The following TPGS1 variants were observed in gnomAD, a reference collection of about 807,000 sequenced individuals.
TPGS1 encodes tubulin polyglutamylase complex subunit 1.
A neutral mutation model predicts 11.9 loss-of-function variants in TPGS1; 18 were observed. The observed-to-expected ratio is 1.51, with a 90% CI of 1.04 to 2.24. TPGS1 has a LOEUF of 2.24. Among genes scored for constraint, TPGS1 ranks in the 30% most tolerant of loss-of-function variants. TPGS1 has a pLI of 0.00. For synonymous variants in TPGS1, 247 were observed against 218.2 expected, an observed-to-expected ratio of 1.13 and a Z score of -1.16; for missense variants, 500 against 443.0, an observed-to-expected ratio of 1.13 and a Z score of -1.16.
chr19:509,585 C>G (rs1413982599), intron 1 of TPGS1: 2 of 152,382 alleles, frequency 1.3e-5, no homozygotes, highest in Admixed American at 1.3e-4. Context: ...TGGCGGCCAG[C>G]AGTCTTTGGC....
At chr19:512,901 C>T (rs1978842046) in intron 1 of TPGS1, among the ~76,000 whole-genome samples, 1 of 152,230 alleles carries the variant, frequency 6.6e-6, no homozygotes, top group South Asian at 2.1e-4. Flanking sequence ...GGGTCGCTCG[C>T]GCAGCTCCCA....
At position 518,969 on chromosome 19, in the gene TPGS1, G is replaced by C; in HGVS notation, c.419G>C (p.Gly140Ala). ...CGCAGGAAGAGGCCGGGGCTGGACG[G>C]GCGCACCTACAGCGAGCTGCTCAGG... is the stretch of plus-strand genomic sequence containing the variant. Reference protein sequence around the residue: ...GGRRKRPGLDGRTYSELLRRI... With the variant: ...GGRRKRPGLDARTYSELLRRI... Residue 140 changes from glycine to alanine, a missense_variant, in exon 2 of 2, where the codon GGG (glycine) becomes GCG (alanine). Coordinates refer to ENST00000359315, the MANE Select transcript of TPGS1 (RefSeq NM_033513.3). The C allele has an allele frequency of 1.3e-6, 2 of 1,587,322 alleles. No individual in the cohort carries two copies. The highest frequency in any genetic ancestry group is 1.7e-4 in the Middle Eastern group (1 of 6,022).
chr19:516,797 A>T (rs575733438), intron 1 of TPGS1, among the ~76,000 whole-genome samples: 1 of 152,308 alleles, frequency 6.6e-6, no homozygotes, highest in South Asian at 2.1e-4. Flanking sequence ...TAATAAACTG[A>T]GGAATGTGGA....
At position 514,825 on chromosome 19, in the gene TPGS1, AG is replaced by A. The variant is rs1264809726; in HGVS notation, c.339-4059del. ...GGGAACTGATGGGGGGAGTGAGGCC[AG>A]GGGGTTAAGCAGCCCACCCAGGGTC... On this transcript the variant is annotated intron_variant, in intron 1 of 1. Coordinates refer to ENST00000359315, the MANE Select transcript of TPGS1 (RefSeq NM_033513.3). 4.0e-5 allele frequency among the ~76,000 whole-genome samples: 6 copies of A among 151,786 alleles called. No individual in the cohort carries two copies. The East Asian group carries it at 1.2e-3, about 29-fold the overall frequency.
rs752029125 is a variant in TPGS1 at position 518,896 on chromosome 19, T to A, written c.346T>A (p.Phe116Ile). ...RLAHHSQRAAFNNNVSVAYEC... is the reference protein window; with the variant it reads ...RLAHHSQRAAINNNVSVAYEC... The stretch of plus-strand genomic sequence containing the variant: ...ACGTCCCCGTCTCCGCAGGGCCGCC[T>A]TCAACAACAACGTGAGCGTGGCCTA... The change falls in exon 2 of 2, where the codon TTC becomes ATC. Residue 116 changes from phenylalanine (F) to isoleucine (I), a missense_variant. Coordinates refer to ENST00000359315, the MANE Select transcript of TPGS1 (RefSeq NM_033513.3). The A allele has an allele frequency of 2.9e-5, 45 of 1,531,134 alleles. No individual in the cohort carries two copies. The highest frequency in any genetic ancestry group is 1.6e-4 in the Admixed American group (8 of 51,340). 94.8% of individuals were successfully genotyped at this position (1,531,134 alleles called of 1,614,324 possible). A position where few individuals can be genotyped will look rare whatever the true frequency, so the allele number is the denominator to read the frequency against.
Position 519,264 on chromosome 19 carries a change from G to T in TPGS1, c.714G>T (p.Ala238=). The T allele has an allele frequency of 8.3e-7, 1 of 1,201,338 alleles. No individual in the cohort carries two copies. Among genetic ancestry groups the T allele is most frequent in the Non-Finnish European group, 1.0e-6 (1 of 969,986 alleles). 74.4% of individuals were successfully genotyped at this position (1,201,338 alleles called of 1,614,324 possible). Residue 238 remains alanine, a synonymous_variant, in exon 2 of 2, where the codon GCG becomes GCT. Coordinates refer to ENST00000359315, the MANE Select transcript of TPGS1 (RefSeq NM_033513.3). ...ALQASDAAAP[A]RFLEAGSRLG... The stretch of plus-strand genomic sequence containing the variant: ...AGGCCAGCGACGCCGCCGCGCCCGC[G>T]CGCTTCCTGGAGGCCGGCTCGCGCT...
In TPGS1 at chr19:519,475, G is replaced by A; in HGVS notation, c.*52G>A. On this transcript the variant is annotated 3_prime_UTR_variant, in exon 2 of 2. Transcript: ENST00000359315. ...TCTGCGCTGGGGGGTCCCCGCGTGC[G>A]GGGCGCGCGGAGCCTTCCCTTCGCC... 2 of 1,173,994 alleles carry A rather than the reference G, an allele frequency of 1.7e-6. No individual in the cohort carries two copies. Among genetic ancestry groups the A allele is most frequent in the Non-Finnish European group, 2.1e-6 (2 of 948,820 alleles). 72.7% of individuals were successfully genotyped at this position (1,173,994 alleles called of 1,614,324 possible).
In TPGS1 at chr19:519,651, C is replaced by T. The variant is rs1979091479; in HGVS notation, c.*228C>T. On this transcript the variant is annotated 3_prime_UTR_variant, in exon 2 of 2. Transcript: ENST00000359315. Reference sequence around the variant, plus strand: ...CACGCTAATAAAATGTGTTGCGAGGCTGACGCTGGTGTGTATGCGAGCGCC... The same window carrying T: ...CACGCTAATAAAATGTGTTGCGAGGTTGACGCTGGTGTGTATGCGAGCGCC... 1 of 282,158 alleles carries T rather than the reference C, an allele frequency of 3.5e-6. No individual in the cohort carries two copies. Among genetic ancestry groups the T allele is most frequent in the Admixed American group, 5.4e-5 (1 of 18,654 alleles). 17.5% of individuals were successfully genotyped at this position (282,158 alleles called of 1,614,324 possible). A position where few individuals can be genotyped will look rare whatever the true frequency, so the allele number is the denominator to read the frequency against.
At chr19:508,314 C>T (rs894916524) in intron 1 of TPGS1, 15 of 153,852 alleles carry the variant, frequency 9.7e-5, no homozygotes, top group Admixed American at 2.0e-4. Context: ...AGGCTCCCAG[C>T]GGGCAGGTGG....
chr19:519,314 C>T lies in TPGS1; in HGVS notation c.764C>T (p.Ala255Val). 1 of 1,188,226 alleles carries T rather than the reference C, an allele frequency of 8.4e-7. No individual in the cohort carries two copies. 73.6% of individuals were successfully genotyped at this position (1,188,226 alleles called of 1,614,324 possible). Residue 255 changes from alanine (A) to valine (V), a missense_variant, in exon 2 of 2, where the codon GCG (alanine) becomes GTG (valine). Coordinates refer to ENST00000359315, the MANE Select transcript of TPGS1 (RefSeq NM_033513.3). Reference sequence around the variant, plus strand: ...TTGGGGCCCGACAGCCTGGCGCTGGCGCTGGACCGCGCCGTCGGGGGGCGG... The same window carrying T: ...TTGGGGCCCGACAGCCTGGCGCTGGTGCTGGACCGCGCCGTCGGGGGGCGG... The part of the protein sequence containing the change: ...SRLGPDSLAL[A>V]LDRAVGGRRP...
In TPGS1 at chr19:519,060, C is replaced by T; in HGVS notation, c.510C>T (p.Cys170=). 1.3e-6 allele frequency: 2 copies of T among 1,540,214 alleles called. No individual in the cohort carries two copies. The highest frequency in any genetic ancestry group is 2.4e-5 in the South Asian group (2 of 84,100). ...VVAPLLRKVQ[C]RDHEAVPLSV... ...CGCCGCTGCTGCGCAAGGTGCAGTG[C>T]CGTGACCACGAGGCGGTGCCGCTGA... Residue 170 remains cysteine (C), a synonymous_variant, in exon 2 of 2, where the codon TGC becomes TGT. Coordinates refer to ENST00000359315, the MANE Select transcript of TPGS1 (RefSeq NM_033513.3).
chr19:516,385 T>G (rs1290352821), intron 1 of TPGS1, among the ~76,000 whole-genome samples: 2 of 142,268 alleles, frequency 1.4e-5, no homozygotes, highest in Non-Finnish European at 3.0e-5. Flanking sequence ...CTTTTTTCTT[T>G]TTCTTTTTTT....
At chr19:513,241 C>G (rs1265165869) in intron 1 of TPGS1, among the ~76,000 whole-genome samples, 1 of 152,182 alleles carries the variant, frequency 6.6e-6, no homozygotes, top group East Asian at 1.9e-4. Flanking sequence ...GCTGACACTG[C>G]GACTGCCCCC....
chr19:518,753 G>T, intron 1 of TPGS1, 136 bp from the exon 2 acceptor site: 2 of 919,412 alleles, frequency 2.2e-6, no homozygotes, highest in African/African-American at 1.9e-5. Flanking sequence ...GGCCGGGGAT[G>T]GGGGGTAGGA....
In TPGS1 at chr19:519,530, C is replaced by A; in HGVS notation, c.*107C>A. The A allele has an allele frequency of 9.5e-7, 1 of 1,058,142 alleles. No individual in the cohort carries two copies. Among genetic ancestry groups the A allele is most frequent in the Non-Finnish European group, 1.2e-6 (1 of 851,254 alleles). The allele number at this position is 1,058,142 out of a possible 1,614,324, so 65.5% of individuals were successfully genotyped here. The stretch of plus-strand genomic sequence containing the variant: ...TGAGGCCCTGCCATAACCAGGCGCC[C>A]AGCCCTGCGGAGGAGGCCGGGGCTC... On this transcript the variant is annotated 3_prime_UTR_variant, in exon 2 of 2. Coordinates refer to ENST00000359315, the MANE Select transcript of TPGS1 (RefSeq NM_033513.3).
intron 1 of TPGS1, chr19:510,383 A>C (rs897109578): frequency 6.6e-6 from 1 of 152,408 alleles, no homozygotes; most frequent in Non-Finnish European, 1.5e-5. Flanking sequence ...AAAAAAAAAA[A>C]AAGAGAAGCT....
Position 518,895 on chromosome 19 carries a change from C to G in TPGS1, c.345C>G (p.Ala115=), listed in dbSNP as rs1442016143. The G allele has an allele frequency of 2.0e-6, 3 of 1,529,402 alleles. No homozygotes were observed. In the African/African-American group the frequency reaches 4.3e-5, roughly 22 times the overall value. 94.7% of individuals were successfully genotyped at this position (1,529,402 alleles called of 1,614,324 possible). Residue 115 remains alanine, a synonymous_variant, in exon 2 of 2, where the codon GCC becomes GCG. Coordinates refer to ENST00000359315, the MANE Select transcript of TPGS1 (RefSeq NM_033513.3). ...LRLAHHSQRA[A]FNNNVSVAYE... is the part of the protein sequence containing the mutation. Reference sequence around the variant, plus strand: ...AACGTCCCCGTCTCCGCAGGGCCGCCTTCAACAACAACGTGAGCGTGGCCT... The same window carrying G: ...AACGTCCCCGTCTCCGCAGGGCCGCGTTCAACAACAACGTGAGCGTGGCCT...
Position 507,798 on chromosome 19 carries a change from C to G in TPGS1, c.292C>G (p.Leu98Val). The change falls in exon 1 of 2, where the codon CTG becomes GTG. Residue 98 changes from leucine to valine, a missense_variant. Physicochemically the swap from Leu to Val is conservative, Grantham distance 32. Transcript: ENST00000359315. ...PGQLLLQQQR[L>V]GRALWHLRLA... Reference sequence around the variant, plus strand: ...CCAGCTCCTGCTGCAGCAGCAGCGCCTGGGCCGCGCGCTATGGCACCTTCG... The same window carrying G: ...CCAGCTCCTGCTGCAGCAGCAGCGCGTGGGCCGCGCGCTATGGCACCTTCG... The G allele has an allele frequency of 1.2e-5, 17 of 1,381,648 alleles. No individual in the cohort carries two copies. The highest frequency in any genetic ancestry group is 1.6e-5 in the Non-Finnish European group (17 of 1,071,592). The allele number at this position is 1,381,648 out of a possible 1,614,324, so 85.6% of individuals were successfully genotyped here.
chr19:519,024 G>A lies in TPGS1; in HGVS notation c.474G>A (p.Glu158=). Residue 158 remains glutamate (E), a synonymous_variant, in exon 2 of 2, where the codon GAG becomes GAA. Coordinates refer to ENST00000359315, the MANE Select transcript of TPGS1 (RefSeq NM_033513.3). The part of the protein sequence containing the change: ...RRICRDGQAP[E]EVVAPLLRKV... ...TCTGCCGGGACGGCCAAGCCCCCGA[G>A]GAGGTGGTGGCGCCGCTGCTGCGCA... 2 of 1,559,942 alleles carry A rather than the reference G, an allele frequency of 1.3e-6. No homozygotes were observed. Among genetic ancestry groups the A allele is most frequent in the South Asian group, 2.3e-5 (2 of 86,208 alleles).
Sources: gnomAD v4.1 joint callset for allele counts (sites outside exome capture counted in the v4.1 genomes callset) on GRCh38, gnomAD v4.1.1 for gene constraint, MANE v1.5 for transcripts, NCBI Gene and HGNC (gene_info 2026-07-23, HGNC 2026-07-21) for gene names.